Variants in LMTK2 observed in about 807,000 individuals in gnomAD.
The protein encoded by LMTK2 is serine/threonine-protein kinase LMTK2.
A neutral mutation model predicts 127.5 loss-of-function variants in LMTK2; 37 were observed. That is an observed-to-expected ratio of 0.29 (90% confidence interval 0.22 to 0.38). The LOEUF is 0.38. Among genes scored for constraint, LMTK2 ranks in the 10% least tolerant of loss-of-function variants. LMTK2 has a pLI of 1.00. For missense variants in LMTK2, 1,694 were observed against 1,920.3 expected (o/e 0.88, Z 2.20); for synonymous variants, 819 against 810.1 (o/e 1.01, Z -0.19).
intron 3 of LMTK2, among the ~76,000 whole-genome samples, chr7:98,142,061 T>C (rs949663040): frequency 1.6e-4 from 25 of 152,202 alleles, no homozygotes; most frequent in Non-Finnish European, 4.4e-5. Flanking sequence ...GAGTTTGAAA[T>C]TTAAGCCCTT....
intron 7 of LMTK2, among the ~76,000 whole-genome samples, chr7:98,179,386 C>T (rs1006033007): frequency 6.6e-6 from 1 of 152,160 alleles, no homozygotes; most frequent in Non-Finnish European, 1.5e-5. Context: ...GTTCTGGTCT[C>T]AGGAGGGAGA....
At chr7:98,161,129 T>C (rs1797009504) in intron 6 of LMTK2, among the ~76,000 whole-genome samples, 1 of 152,192 alleles carries the variant, frequency 6.6e-6, no homozygotes, top group Admixed American at 6.5e-5. Context: ...TTTGTACCCG[T>C]TACAATTTTT....
At chr7:98,182,089 C>G (rs1013036817) in intron 7 of LMTK2, among the ~76,000 whole-genome samples, 1 of 152,100 alleles carries the variant, frequency 6.6e-6, no homozygotes, top group Non-Finnish European at 1.5e-5. Context: ...ACACCATATA[C>G]AAAAATTAAC....
At chr7:98,205,331 GC>G in intron 13 of LMTK2, 132 bp from the exon 14 acceptor site, 1 of 1,010,722 alleles carries the variant, frequency 9.9e-7, no homozygotes. Flanking sequence ...GACAGGAAGG[GC>G]GGCTCAGGCG....
At chr7:98,152,871 A>G (rs1584266198) in intron 4 of LMTK2, among the ~76,000 whole-genome samples, 2 of 152,298 alleles carry the variant, frequency 1.3e-5, no homozygotes, top group South Asian at 4.1e-4. Context: ...CCTGGATGCT[A>G]GCGGTGGAGG....
intron 1 of LMTK2, among the ~76,000 whole-genome samples, chr7:98,115,044 T>C (rs368026734): frequency 1.3e-5 from 2 of 152,210 alleles, no homozygotes; most frequent in African/African-American, 4.8e-5. Flanking sequence ...GGTCAACTTA[T>C]GTGATGTTTT....
chr7:98,172,725 TGAA>T (rs999137894), intron 7 of LMTK2, among the ~76,000 whole-genome samples: 6 of 152,122 alleles, frequency 3.9e-5, no homozygotes, highest in African/African-American at 1.4e-4. Flanking sequence ...TGTCTTGACT[TGAA>T]GAGATGTGTA....
At chr7:98,132,448 A>G (rs1796533804) in intron 1 of LMTK2, among the ~76,000 whole-genome samples, 1 of 152,122 alleles carries the variant, frequency 6.6e-6, no homozygotes, top group Non-Finnish European at 1.5e-5. Context: ...ACGGGATTTC[A>G]CCATGTTGGT....
At chr7:98,161,197 A>G (rs1267823905) in intron 6 of LMTK2, among the ~76,000 whole-genome samples, 1 of 149,610 alleles carries the variant, frequency 6.7e-6, no homozygotes, top group African/African-American at 2.5e-5. Context: ...GTTTGTTTCA[A>G]TTTTCCCCAT....
Position 98,134,658 on chromosome 7 carries a change from A to AG in LMTK2, c.104-2657_104-2656insG, listed in dbSNP as rs1174014613. 2.1e-5 allele frequency among the ~76,000 whole-genome samples: 3 copies of AG among 146,204 alleles called. No homozygotes were observed. The South Asian group carries it at 6.3e-4, about 31-fold the overall frequency. ...AGTGAGACTCCCATCTCTCAATAGA[A>AG]AAAAAAAAAAAAGAAGAAGAAATTC... On this transcript the variant is annotated intron_variant, in intron 1 of 13. Coordinates refer to ENST00000297293, the MANE Select transcript of LMTK2 (RefSeq NM_014916.4).
chr7:98,124,003 AGTT>A (rs1796407321), intron 1 of LMTK2, among the ~76,000 whole-genome samples: 1 of 151,878 alleles, frequency 6.6e-6, no homozygotes, highest in Non-Finnish European at 1.5e-5. Flanking sequence ...CTGAGAATAT[AGTT>A]GTTGTTTTTT....
At position 98,204,124 on chromosome 7, in the gene LMTK2, C is replaced by T. The variant is rs1244106296; in HGVS notation, c.4421C>T (p.Ser1474Phe). Residue 1474 changes from serine (S) to phenylalanine (F), a missense_variant, in exon 13 of 14, where the codon TCT becomes TTT. Physicochemically the swap from Ser to Phe is radical, Grantham distance 155. Transcript: ENST00000297293. ...GCGCCTTACTCCCGGTTCTCCATCT[C>T]TCCCGCCAACATTGCCAGCTTTTCC... ...HSAPYSRFSI[S>F]PANIASFSLT... The T allele has an allele frequency of 3.7e-6, 6 of 1,612,158 alleles. No homozygotes were observed. Among genetic ancestry groups the T allele is most frequent in the Non-Finnish European group, 5.1e-6 (6 of 1,180,032 alleles).
intron 1 of LMTK2, among the ~76,000 whole-genome samples, chr7:98,135,956 C>A (rs537268942): frequency 1.6e-4 from 25 of 151,864 alleles, no homozygotes; most frequent in Non-Finnish European, 3.7e-4. Context: ...AGGCCTCAGG[C>A]TGTAGTCTGC....
intron 1 of LMTK2, chr7:98,126,640 G>A (rs938922159): frequency 1.3e-5 from 2 of 152,188 alleles, no homozygotes; most frequent in Non-Finnish European, 2.9e-5. Flanking sequence ...CTTTTCTGTA[G>A]TAGTCTCCAT....
chr7:98,110,094 GTTC>G (rs1796179882), intron 1 of LMTK2, among the ~76,000 whole-genome samples: 1 of 152,176 alleles, frequency 6.6e-6, no homozygotes, highest in Non-Finnish European at 1.5e-5. Context: ...TCGCCTCCTT[GTTC>G]TTCTTTCTGC....
intron 6 of LMTK2, among the ~76,000 whole-genome samples, chr7:98,167,216 C>T (rs566778321): frequency 6.6e-6 from 1 of 152,158 alleles, no homozygotes; most frequent in South Asian, 2.1e-4. Context: ...TTTTTTCTCC[C>T]ATTCATTAAG....
chr7:98,169,987 A>G (rs1226206071), intron 6 of LMTK2, among the ~76,000 whole-genome samples: 1 of 152,204 alleles, frequency 6.6e-6, no homozygotes, highest in Non-Finnish European at 1.5e-5. Flanking sequence ...AGACCCCAGC[A>G]GATTGATAGG....
At chr7:98,196,580 G>T (rs1380149457) in intron 11 of LMTK2, among the ~76,000 whole-genome samples, 1 of 152,210 alleles carries the variant, frequency 6.6e-6, no homozygotes, top group Non-Finnish European at 1.5e-5. Context: ...CTTCCTGAAA[G>T]CCTGGGGGTA....
intron 1 of LMTK2, among the ~76,000 whole-genome samples, 162 bp downstream of exon 1, chr7:98,107,442 G>A (rs542292034): frequency 1.5e-3 from 228 of 151,892 alleles, no homozygotes; most frequent in African/African-American, 5.2e-3. Context: ...GCAGGGGCGT[G>A]GGATTTGGGG....
Sources: gnomAD v4.1 joint callset for allele counts (sites outside exome capture counted in the v4.1 genomes callset) on GRCh38, gnomAD v4.1.1 for gene constraint, MANE v1.5 for transcripts, NCBI Gene and HGNC (gene_info 2026-07-23, HGNC 2026-07-21) for gene names.